TMEM161B: variants seen among roughly 807,000 people sequenced by gnomAD.
TMEM161B encodes the protein transmembrane protein 161B.
TMEM161B carries 34 observed loss-of-function variants against 61.8 expected under a neutral mutation model. The observed-to-expected ratio is 0.55, with a 90% CI of 0.42 to 0.73. TMEM161B has a LOEUF of 0.73. TMEM161B is among the 30% of genes least tolerant of loss of function. The pLI, the probability that TMEM161B is intolerant of heterozygous loss-of-function variation, is 0.00. For missense variants in TMEM161B, 456 were observed against 558.5 expected, an observed-to-expected ratio of 0.82 and a Z score of 1.85; for synonymous variants, 167 against 192.8, an observed-to-expected ratio of 0.87 and a Z score of 1.11.
intron 4 of TMEM161B, among the ~76,000 whole-genome samples, chr5:88,224,266 T>TA (rs988010357): frequency 2.0e-5 from 3 of 152,196 alleles, no homozygotes; most frequent in Admixed American, 6.5e-5. Flanking sequence ...TACAAATTCC[T>TA]AAAACCTACT....
intron 5 of TMEM161B, among the ~76,000 whole-genome samples, chr5:88,214,354 A>G (rs1000537280): frequency 2.0e-5 from 3 of 152,072 alleles, no homozygotes; most frequent in African/African-American, 7.2e-5. Flanking sequence ...GAGAAGCTTT[A>G]TCACTCTTTG....
At chr5:88,225,221 C>G (rs1440143565) in intron 4 of TMEM161B, among the ~76,000 whole-genome samples, 1 of 152,136 alleles carries the variant, frequency 6.6e-6, no homozygotes, top group African/African-American at 2.4e-5. Flanking sequence ...CCCGCCTTGG[C>G]CTCCCAAAGT....
At chr5:88,214,699 CT>C (rs1481612230) in intron 5 of TMEM161B, among the ~76,000 whole-genome samples, 1 of 152,144 alleles carries the variant, frequency 6.6e-6, no homozygotes, top group Non-Finnish European at 1.5e-5. Context: ...GTTTCTTTAC[CT>C]TTCTCCTTCC....
chr5:88,238,047 A>G (rs1752149075), intron 2 of TMEM161B, among the ~76,000 whole-genome samples: 1 of 152,132 alleles, frequency 6.6e-6, no homozygotes, highest in Non-Finnish European at 1.5e-5. Context: ...AACTCCTTAT[A>G]CAAAAGTTTT....
downstream of TMEM161B, among the ~76,000 whole-genome samples, chr5:88,191,982 G>GTATATATA (rs67658909): frequency 1.0e-4 from 2 of 19,662 alleles, no homozygotes; most frequent in African/African-American, 4.4e-4. Context: ...AAAAAAAAGT[G>GTATATATA]TATATATATA....
intron 1 of TMEM161B, among the ~76,000 whole-genome samples, chr5:88,263,080 T>C (rs1290369394): frequency 6.6e-6 from 1 of 152,186 alleles, no homozygotes; most frequent in Non-Finnish European, 1.5e-5. Flanking sequence ...CAGTATGAGC[T>C]CTTTGCTTGC....
At chr5:88,206,801 A>C (rs1355811331) in intron 6 of TMEM161B, among the ~76,000 whole-genome samples, 2 of 152,124 alleles carry the variant, frequency 1.3e-5, no homozygotes, top group Admixed American at 6.5e-5. Flanking sequence ...CTGTAAGGAA[A>C]AAAACGAGAC....
At chr5:88,254,596 GGAGGCCAAGGCAGGAGGATTACTTGA>G (rs1296728690) in intron 1 of TMEM161B, among the ~76,000 whole-genome samples, 1 of 152,102 alleles carries the variant, frequency 6.6e-6, no homozygotes, top group East Asian at 1.9e-4. Flanking sequence ...CAACACTTTG[GGAGGCCAAGGCAGGAGGATTACTTGA>G]GGCAAGAAGT....
intron 2 of TMEM161B, among the ~76,000 whole-genome samples, chr5:88,234,090 T>C (rs574056919): frequency 2.6e-5 from 4 of 151,776 alleles, no homozygotes; most frequent in Admixed American, 6.6e-5. Context: ...GGGAGAGAGG[T>C]AGGGCTGTGA....
Position 88,196,482 on chromosome 5 carries a change from T to C in TMEM161B, c.1193A>G (p.His398Arg). The C allele has an allele frequency of 1.3e-6, 2 of 1,571,992 alleles. No homozygotes were observed. Among genetic ancestry groups the C allele is most frequent in the Non-Finnish European group, 8.6e-7 (1 of 1,161,374 alleles). The part of the protein sequence containing the change: ...TTLLLKTLGN[H>R]SWGIYPESIS... Reference sequence around the variant, plus strand: ...AGATTCTGGATAAATACCCCAGGAATGATTACCTAGAAAATCAAAGACACA... The same window carrying C: ...AGATTCTGGATAAATACCCCAGGAACGATTACCTAGAAAATCAAAGACACA... The change falls in exon 12 of 12, where the codon CAT becomes CGT. Residue 398 changes from histidine to arginine, a missense_variant. Physicochemically the swap from His to Arg is conservative, Grantham distance 29. Around this residue, in one of 3 missense-constraint regions of TMEM161B, gnomAD observed 367 missense variants for 427.3 expected, o/e 0.86. Transcript: ENST00000296595.
intron 1 of TMEM161B, among the ~76,000 whole-genome samples, chr5:88,260,846 C>A (rs1226620270): frequency 2.6e-5 from 4 of 152,120 alleles, no homozygotes; most frequent in Non-Finnish European, 5.9e-5. Flanking sequence ...CTCAAAGTAG[C>A]AAAAGTTTAA....
chr5:88,210,491 T>C (rs1746496377), intron 5 of TMEM161B, among the ~76,000 whole-genome samples: 2 of 152,180 alleles, frequency 1.3e-5, no homozygotes, highest in African/African-American at 2.4e-5. Context: ...TCTGATTGCC[T>C]TTCTATGCAG....
At chr5:88,225,499 T>C (rs1749900581) in intron 4 of TMEM161B, among the ~76,000 whole-genome samples, 2 of 152,194 alleles carry the variant, frequency 1.3e-5, no homozygotes, top group African/African-American at 2.4e-5. Context: ...TCTAGAATTC[T>C]AGATAATAAA....
At chr5:88,199,898 G>C (rs1744048627) in intron 9 of TMEM161B, 1 of 151,968 alleles carries the variant, frequency 6.6e-6, no homozygotes. Flanking sequence ...GAACTACATT[G>C]CAAGTAATTT....
Position 88,205,949 on chromosome 5 carries a change from G to C in TMEM161B, c.665C>G (p.Pro222Arg). ...LEKQGLESQSPVSKLTFKFFL... is the reference protein window; with the variant it reads ...LEKQGLESQSRVSKLTFKFFL... ...AAATTTGAAAGTAAGTTTTGAAACA[G>C]GACTCCTAAAAATAAAATTTTTTAA... The change falls in exon 8 of 12, where the codon CCT (proline) becomes CGT (arginine). Residue 222 changes from proline (P) to arginine (R), a missense_variant. Physicochemically the swap from Pro to Arg is moderately radical, Grantham distance 103. Transcript: ENST00000296595. 6.3e-7 allele frequency: 1 copy of C among 1,591,540 alleles called. No individual in the cohort carries two copies. Among genetic ancestry groups the C allele is most frequent in the Non-Finnish European group, 8.5e-7 (1 of 1,171,248 alleles).
chr5:88,228,632 G>T, intron 2 of TMEM161B, 104 bp from the exon 3 acceptor site: 2 of 815,548 alleles, frequency 2.5e-6, no homozygotes, highest in Non-Finnish European at 3.7e-6. Context: ...AGACACTGTC[G>T]AGAAATATCA....
intron 5 of TMEM161B, among the ~76,000 whole-genome samples, chr5:88,211,482 G>A (rs1051455533): frequency 1.1e-4 from 17 of 151,842 alleles, no homozygotes; most frequent in African/African-American, 3.1e-4. Flanking sequence ...AGACAAGACC[G>A]GGCGTGGTGG....
At chr5:88,229,546 T>G (rs1750635983) in intron 2 of TMEM161B, among the ~76,000 whole-genome samples, 1 of 151,104 alleles carries the variant, frequency 6.6e-6, no homozygotes, top group Non-Finnish European at 1.5e-5. Flanking sequence ...TTTTCCGTAA[T>G]ACAAATCTTA....
chr5:88,208,276 G>A (rs1012071064), intron 5 of TMEM161B, among the ~76,000 whole-genome samples: 1 of 151,848 alleles, frequency 6.6e-6, no homozygotes, highest in African/African-American at 2.4e-5. Context: ...GAGGTCAGGA[G>A]ATCGAGACCA....
Sources: allele counts gnomAD v4.1 joint callset (sites outside exome capture counted in the v4.1 genomes callset), GRCh38; gene constraint gnomAD v4.1.1; regional missense constraint gnomAD v4.1.1; transcripts MANE v1.5; gene names NCBI Gene and HGNC (gene_info 2026-07-23, HGNC 2026-07-21).